The following SCARB1 variants were observed in gnomAD, a reference collection of about 807,000 sequenced individuals.
SCARB1 encodes the protein scavenger receptor class B member 1, also known as CD36 and LIMPII analogous 1.
A neutral mutation model predicts 57.2 loss-of-function variants in SCARB1; 30 were observed. That is an observed-to-expected ratio of 0.52 (90% CI 0.39 to 0.71). The LOEUF (loss-of-function observed/expected upper bound fraction) is 0.71, where lower values mean the gene tolerates loss of function less well. SCARB1 is among the 30% of genes least tolerant of loss of function. The pLI is 0.00. For synonymous variants in SCARB1, 249 were observed against 268.3 expected (o/e 0.93, Z 0.70); for missense variants, 543 against 671.2 (o/e 0.81, Z 2.11).
At chr12:124,852,769 G>A (rs990371782) in intron 1 of SCARB1, among the ~76,000 whole-genome samples, 21 of 152,224 alleles carry the variant, frequency 1.4e-4, no homozygotes, top group African/African-American at 4.8e-4. Flanking sequence ...AGCCAGGCGC[G>A]GTGGCTCATG....
chr12:124,787,723 T>A (rs376118456), intron 9 of SCARB1, among the ~76,000 whole-genome samples: 1 of 134,628 alleles, frequency 7.4e-6, no homozygotes, highest in African/African-American at 3.2e-5. Flanking sequence ...TTTTTTTTTT[T>A]CTTTAGTTGA....
chr12:124,846,340 C>T (rs1952150915), intron 1 of SCARB1, among the ~76,000 whole-genome samples: 1 of 152,208 alleles, frequency 6.6e-6, no homozygotes, highest in South Asian at 2.1e-4. Flanking sequence ...ACGCCATGAC[C>T]AGACCCCCTA....
chr12:124,795,731 G>T (rs1949922459), intron 8 of SCARB1, among the ~76,000 whole-genome samples: 1 of 152,198 alleles, frequency 6.6e-6, no homozygotes, highest in African/African-American at 2.4e-5. Flanking sequence ...ATTTTGAAGA[G>T]TAGGTCTCAG....
At chr12:124,798,204 A>G (rs1950013651) in intron 8 of SCARB1, among the ~76,000 whole-genome samples, 2 of 152,224 alleles carry the variant, frequency 1.3e-5, no homozygotes, top group African/African-American at 2.4e-5. Context: ...TGAGGCCAGG[A>G]GTTCCAGACC....
chr12:124,804,823 G>C (rs1950267284), intron 7 of SCARB1, among the ~76,000 whole-genome samples: 2 of 152,162 alleles, frequency 1.3e-5, no homozygotes, highest in South Asian at 4.1e-4. Context: ...AACCAAAAAG[G>C]CTCCCAGAAG....
At position 124,822,908 on chromosome 12, in the gene SCARB1, A is replaced by G. The variant is rs1319280618; in HGVS notation, c.127-5201T>C. ...GTCTGAAAAAAACAACAGCAACACC[A>G]CCACCCATGACATGCTATATTTACC... is the stretch of plus-strand genomic sequence containing the variant. On this transcript the variant is annotated intron_variant, in intron 1 of 12. Coordinates refer to ENST00000261693, the MANE Select transcript of SCARB1 (RefSeq NM_005505.5). The surrounding 1 kb of genome is among the most constrained non-coding windows in gnomAD (Gnocchi z 5.0). Among the ~76,000 whole-genome samples the G allele has an allele frequency of 6.6e-6, 1 of 152,040 alleles. No individual in the cohort carries two copies. Among genetic ancestry groups the G allele is most frequent in the Non-Finnish European group, 1.5e-5 (1 of 68,008 alleles).
chr12:124,811,227 A>G (rs1259614442), intron 5 of SCARB1, among the ~76,000 whole-genome samples: 1 of 152,186 alleles, frequency 6.6e-6, no homozygotes, highest in Non-Finnish European at 1.5e-5. Context: ...GGGAGGTGAT[A>G]CTAAGGGCAC....
intron 11 of SCARB1, chr12:124,783,806 T>C (rs1949408336): frequency 6.6e-6 from 1 of 151,418 alleles, no homozygotes; most frequent in South Asian, 2.1e-4. Context: ...AAAATAAAAA[T>C]AAAAAAACAA....
chr12:124,784,957 C>T (rs1274725232), intron 11 of SCARB1: 1 of 152,274 alleles, frequency 6.6e-6, no homozygotes, highest in Non-Finnish European at 1.5e-5. Flanking sequence ...ATCCCCTGAC[C>T]TGTGCAAAGG....
chr12:124,857,231 C>G (rs1952677676), intron 1 of SCARB1, among the ~76,000 whole-genome samples: 1 of 152,198 alleles, frequency 6.6e-6, no homozygotes, highest in Non-Finnish European at 1.5e-5. Context: ...CTTTCCGCCT[C>G]TGTGCATCCA....
Position 124,795,221 on chromosome 12 carries a change from G to A in SCARB1, c.1176C>T (p.Leu392=), listed in dbSNP as rs1332239894. 3 of 1,613,998 alleles carry A rather than the reference G, an allele frequency of 1.9e-6. No homozygotes were observed. Among genetic ancestry groups the A allele is most frequent in the Non-Finnish European group, 2.5e-6 (3 of 1,179,902 alleles). Residue 392 remains leucine, a synonymous_variant, in exon 9 of 13, where the codon CTC becomes CTT. Coordinates refer to ENST00000261693, the MANE Select transcript of SCARB1 (RefSeq NM_005505.5). ...MNCSVKLQLS[L]YMKSVAGIGQ... ...CAATGCCTGCGACAGATTTCATGTA[G>A]AGGCTCAGCTGCAGTTTCACAGAGC...
chr12:124,787,303 C>T, intron 10 of SCARB1, 103 bp downstream of exon 10: 1 of 1,058,522 alleles, frequency 9.4e-7, no homozygotes, highest in Non-Finnish European at 1.4e-6. Flanking sequence ...TACCCTGGCT[C>T]AGCCCTCTCC....
At chr12:124,819,516 T>C (rs1055792144) in intron 1 of SCARB1, among the ~76,000 whole-genome samples, 2 of 152,112 alleles carry the variant, frequency 1.3e-5, no homozygotes, top group African/African-American at 4.8e-5. Flanking sequence ...TATAATTCGC[T>C]GCCCCAGTGT....
intron 4 of SCARB1, among the ~76,000 whole-genome samples, chr12:124,813,337 C>A (rs1385125494): frequency 6.6e-6 from 1 of 152,182 alleles, no homozygotes; most frequent in African/African-American, 2.4e-5. Context: ...ATTGCTGACA[C>A]TCTAGCAGCC....
At chr12:124,860,989 C>A (rs932783144) in intron 1 of SCARB1, among the ~76,000 whole-genome samples, 1 of 152,066 alleles carries the variant, frequency 6.6e-6, no homozygotes, top group African/African-American at 2.4e-5. Context: ...TCCTGGTACA[C>A]AGAAAAGGGT....
At chr12:124,838,364 CAG>C (rs1951776251) in intron 1 of SCARB1, among the ~76,000 whole-genome samples, 1 of 152,134 alleles carries the variant, frequency 6.6e-6, no homozygotes, top group African/African-American at 2.4e-5. Flanking sequence ...CGTGGCAGTG[CAG>C]AGAGAATGAG....
At chr12:124,816,184 G>A (rs893251686) in intron 2 of SCARB1, among the ~76,000 whole-genome samples, 1 of 151,624 alleles carries the variant, frequency 6.6e-6, no homozygotes, top group Non-Finnish European at 1.5e-5. Context: ...CCTGCACTCC[G>A]GCTTCACACT....
intron 1 of SCARB1, among the ~76,000 whole-genome samples, chr12:124,858,445 T>G (rs1361510808): frequency 6.6e-6 from 1 of 151,900 alleles, no homozygotes; most frequent in Non-Finnish European, 1.5e-5. Context: ...AAGAAATGAG[T>G]TGCGCTTCCC....
chr12:124,828,308 C>T (rs1951244879), intron 1 of SCARB1, among the ~76,000 whole-genome samples: 1 of 152,022 alleles, frequency 6.6e-6, no homozygotes, highest in African/African-American at 2.4e-5. Context: ...ACACCCCGCT[C>T]GCCCAGGTGC....
Sources: gnomAD v4.1 joint callset for allele counts (sites outside exome capture counted in the v4.1 genomes callset) on GRCh38, gnomAD v4.1.1 for gene constraint, Gnocchi (gnomAD v3.1) non-coding constraint, MANE v1.5 for transcripts, NCBI Gene and HGNC (gene_info 2026-07-23, HGNC 2026-07-21) for gene names.